Variants in CAMKMT observed in about 807,000 individuals in gnomAD.
CAMKMT encodes the protein calmodulin-lysine N-methyltransferase, also known as CaM KMT.
In CAMKMT, 53 loss-of-function variants were observed where a neutral mutation model predicts 48.0. The ratio of observed to expected loss-of-function variants is 1.10; its 90% CI spans 0.89 to 1.39. The LOEUF is 1.39. CAMKMT is among the 40% of genes most tolerant of loss of function. CAMKMT has a pLI of 0.00. For synonymous variants in CAMKMT, 165 were observed against 152.3 expected (o/e 1.08, Z -0.61); for missense variants, 428 against 402.7 (o/e 1.06, Z -0.54).
chr2:44,498,347 G>A (rs1669854741), intron 3 of CAMKMT, among the ~76,000 whole-genome samples: 1 of 152,090 alleles, frequency 6.6e-6, no homozygotes, highest in Non-Finnish European at 1.5e-5. Context: ...TATGAGATTA[G>A]GCTCTTACAC....
chr2:44,527,888 G>A lies in CAMKMT; in HGVS notation c.376+137583G>A, dbSNP rs534514851. ...CCCAAAGTCTATAGTTTACATTAGG[G>A]ATTACTCTTCCTCTTTTGACATTCT... On this transcript the variant is annotated intron_variant, in intron 3 of 10. Coordinates refer to ENST00000378494, the MANE Select transcript of CAMKMT (RefSeq NM_024766.5). Among the ~76,000 whole-genome samples the A allele has an allele frequency of 1.6e-3, 240 of 150,234 alleles. 3 individuals are homozygous for A. Among genetic ancestry groups the A allele is most frequent in the African/African-American group, 5.7e-3 (232 of 40,950 alleles).
chr2:44,681,639 T>A (rs1052155812), intron 3 of CAMKMT, among the ~76,000 whole-genome samples: 1 of 151,662 alleles, frequency 6.6e-6, no homozygotes, highest in African/African-American at 2.4e-5. Flanking sequence ...TACAATGAGA[T>A]CGAATCTTTA....
chr2:44,494,390 A>G (rs1371453615), intron 3 of CAMKMT, among the ~76,000 whole-genome samples: 4 of 152,182 alleles, frequency 2.6e-5, no homozygotes, highest in Admixed American at 2.6e-4. Flanking sequence ...GGCAAAAGAG[A>G]GAGACCACCT....
At chr2:44,396,497 A>G (rs1452837623) in intron 3 of CAMKMT, among the ~76,000 whole-genome samples, 1 of 152,184 alleles carries the variant, frequency 6.6e-6, no homozygotes, top group East Asian at 1.9e-4. Flanking sequence ...TTCTGTATGT[A>G]CATCAAATGG....
chr2:44,614,481 A>C (rs1376781320), intron 3 of CAMKMT, among the ~76,000 whole-genome samples: 2 of 152,206 alleles, frequency 1.3e-5, no homozygotes, highest in Non-Finnish European at 2.9e-5. Context: ...CTGGAGATAC[A>C]CCAGAGAGCA....
chr2:44,417,010 T>C (rs1036899772), intron 3 of CAMKMT, among the ~76,000 whole-genome samples: 3 of 152,106 alleles, frequency 2.0e-5, no homozygotes, highest in Non-Finnish European at 4.4e-5. Context: ...CATGGCTCAC[T>C]GAAACCTGAA....
At chr2:44,578,133 C>T (rs1015398238) in intron 3 of CAMKMT, among the ~76,000 whole-genome samples, 8 of 152,036 alleles carry the variant, frequency 5.3e-5, no homozygotes, top group Non-Finnish European at 8.8e-5. Flanking sequence ...AGAGCTCAGG[C>T]GGGTTGGAGG....
intron 3 of CAMKMT, among the ~76,000 whole-genome samples, chr2:44,496,383 T>G (rs1192460087): frequency 6.6e-6 from 1 of 152,230 alleles, no homozygotes; most frequent in Non-Finnish European, 1.5e-5. Context: ...TCCCTACTGA[T>G]TCAAAGAAAC....
chr2:44,560,493 A>T (rs1410023928), intron 3 of CAMKMT, among the ~76,000 whole-genome samples: 2 of 152,010 alleles, frequency 1.3e-5, no homozygotes, highest in African/African-American at 4.8e-5. Flanking sequence ...GCAGGTCTCG[A>T]ACTTCTGGCC....
intron 3 of CAMKMT, among the ~76,000 whole-genome samples, chr2:44,459,574 A>C (rs1667746547): frequency 6.6e-6 from 1 of 152,222 alleles, no homozygotes; most frequent in African/African-American, 2.4e-5. Context: ...TTCAGCAGAA[A>C]TCAGAACAGT....
intron 3 of CAMKMT, among the ~76,000 whole-genome samples, chr2:44,692,006 C>G (rs1439118940): frequency 1.3e-5 from 2 of 152,094 alleles, no homozygotes; most frequent in Admixed American, 1.3e-4. Flanking sequence ...GCTAATGGGT[C>G]AAAGCGGGAG....
intron 3 of CAMKMT, among the ~76,000 whole-genome samples, chr2:44,612,375 C>T (rs1425782219): frequency 1.3e-5 from 2 of 152,178 alleles, no homozygotes; most frequent in South Asian, 2.1e-4. Flanking sequence ...GATAGCATCA[C>T]ACTCATCACC....
chr2:44,513,453 T>G (rs1670670040), intron 3 of CAMKMT, among the ~76,000 whole-genome samples: 1 of 152,246 alleles, frequency 6.6e-6, no homozygotes. Context: ...TAGTGTCTGA[T>G]ATACCTTATC....
intron 3 of CAMKMT, among the ~76,000 whole-genome samples, chr2:44,555,265 T>C (rs779366090): frequency 8.5e-5 from 13 of 152,268 alleles, no homozygotes; most frequent in African/African-American, 2.2e-4. Flanking sequence ...TAAAAACTGA[T>C]TGAGACCTTA....
At chr2:44,687,844 A>G (rs1676424030) in intron 3 of CAMKMT, among the ~76,000 whole-genome samples, 1 of 152,368 alleles carries the variant, frequency 6.6e-6, no homozygotes, top group South Asian at 2.1e-4. Flanking sequence ...AGCAAAAAGC[A>G]GCCTGAGTTT....
chr2:44,548,062 A>G (rs1323337845), intron 3 of CAMKMT, among the ~76,000 whole-genome samples: 1 of 152,240 alleles, frequency 6.6e-6, no homozygotes, highest in Non-Finnish European at 1.5e-5. Context: ...AGAAAAAAGC[A>G]CAGAATATGC....
intron 3 of CAMKMT, among the ~76,000 whole-genome samples, chr2:44,674,598 T>C (rs867648894): frequency 6.6e-6 from 1 of 152,184 alleles, no homozygotes; most frequent in South Asian, 2.1e-4. Context: ...TCAACCAAAG[T>C]GCCCTACTGT....
In CAMKMT at chr2:44,382,895, T is replaced by C. The variant is rs531798034; in HGVS notation, c.312-7346T>C. Among the ~76,000 whole-genome samples, 5 of 152,372 alleles carry C rather than the reference T, an allele frequency of 3.3e-5. No homozygotes were observed. The South Asian group carries it at 1.0e-3, about 32-fold the overall frequency. On this transcript the variant is annotated intron_variant, in intron 2 of 10. Transcript: ENST00000378494. ...ACAGTTTACACGTATTCTCTTACTA[T>C]GTTTTAGTTTGCTTGGCTGCCAAAA...
In CAMKMT at chr2:44,494,310, A is replaced by G. The variant is rs2104722081; in HGVS notation, c.376+104005A>G. Among the ~76,000 whole-genome samples, 4 of 152,260 alleles carry G rather than the reference A, an allele frequency of 2.6e-5. 1 individual carries two copies. The East Asian group carries it at 7.7e-4, about 29-fold the overall frequency. ...CTCTTGTTGACTTGCATTTATTATT[A>G]TCCTTTGAATTGTGTCCTCTTGAGA... On this transcript the variant is annotated intron_variant, in intron 3 of 10. Transcript: ENST00000378494.
Sources: allele counts gnomAD v4.1 joint callset (sites outside exome capture counted in the v4.1 genomes callset), GRCh38; gene constraint gnomAD v4.1.1; transcripts MANE v1.5; gene names NCBI Gene and HGNC (gene_info 2026-07-23, HGNC 2026-07-21).